POLR2C: variants seen among roughly 807,000 people sequenced by gnomAD.
POLR2C encodes RNA polymerase II subunit C, also known as DNA-directed RNA polymerase II subunit RPB3.
POLR2C carries 36 observed loss-of-function variants against 41.7 expected under a neutral mutation model. That is an observed-to-expected ratio of 0.86 (90% CI 0.66 to 1.14). The LOEUF is 1.14. Among genes scored for constraint, POLR2C ranks in the 50% most tolerant of loss-of-function variants. The probability of loss-of-function intolerance (pLI) is 0.00; values close to 1 mark genes in which losing one functional copy is unlikely to be tolerated. For missense variants in POLR2C, 260 were observed against 350.4 expected, an observed-to-expected ratio of 0.74 and a Z score of 2.06; for synonymous variants, 133 against 137.8, an observed-to-expected ratio of 0.96 and a Z score of 0.25.
chr16:57,465,659 A>G, intron 2 of POLR2C: 2 of 319,948 alleles, frequency 6.3e-6, no homozygotes, highest in Non-Finnish European at 1.1e-5. Flanking sequence ...AGTGCTTCTC[A>G]TGCAAATACT....
chr16:57,470,868 C>T (rs1420558535), intron 8 of POLR2C, 107 bp from the exon 9 acceptor site: 1 of 1,091,396 alleles, frequency 9.2e-7, no homozygotes, highest in South Asian at 1.4e-5. Context: ...GGTCAAGTTC[C>T]ATGTGGGAAC....
intron 4 of POLR2C, 95 bp downstream of exon 4, chr16:57,466,322 T>C: frequency 1.2e-6 from 1 of 817,300 alleles, no homozygotes; most frequent in East Asian, 2.4e-5. Flanking sequence ...GCTTGAATAC[T>C]GTTGTAGTTC....
At position 57,470,025 on chromosome 16, in the gene POLR2C, C is replaced by T. The variant is rs1040268636; in HGVS notation, c.504C>T (p.Gly168=). ...ELRLRAYAKK[G]FGKEHAKWNP... ...GACTTCGAGCCTATGCCAAAAAGGGCTTTGGCAAGGAGCATGCCAAGTGGA... is the reference window on the plus strand; with the variant it reads ...GACTTCGAGCCTATGCCAAAAAGGGTTTTGGCAAGGAGCATGCCAAGTGGA... The change falls in exon 7 of 9, where the codon GGC becomes GGT. Residue 168 remains glycine, a synonymous_variant. Transcript: ENST00000219252. 8.1e-6 allele frequency: 13 copies of T among 1,614,070 alleles called. No individual in the cohort carries two copies. Among genetic ancestry groups the T allele is most frequent in the Non-Finnish European group, 1.1e-5 (13 of 1,179,918 alleles).
At chr16:57,464,302 T>A (rs542316404) in intron 2 of POLR2C, among the ~76,000 whole-genome samples, 51 of 152,316 alleles carry the variant, frequency 3.3e-4, no homozygotes, top group Admixed American at 9.1e-4. Flanking sequence ...AACAGGGTTT[T>A]TGCCCTCATG....
chr16:57,466,235 G>T lies in POLR2C; in HGVS notation c.258+8G>T, dbSNP rs767245391. ...AAGCTGCAGTACTCTCGGGTATGTT[G>T]TGTGATTGGGTGGAATGTGAGGTTT... is the stretch of plus-strand genomic sequence containing the variant. On this transcript the variant is annotated splice_region_variant and intron_variant, in intron 4 of 8. Transcript: ENST00000219252. 23 of 1,558,684 alleles carry T rather than the reference G, an allele frequency of 1.5e-5. No individual in the cohort carries two copies. The highest frequency in any genetic ancestry group is 1.7e-5 in the Non-Finnish European group (20 of 1,149,392).
Position 57,465,945 on chromosome 16 carries a change from T to C in POLR2C, c.137-8T>C. On this transcript the variant is annotated splice_region_variant and splice_polypyrimidine_tract_variant and intron_variant, in intron 2 of 8. Coordinates refer to ENST00000219252, the MANE Select transcript of POLR2C (RefSeq NM_032940.3). Reference sequence around the variant, plus strand: ...CTAAACTCCATGTCTGCTTCTTTCATTTTTTAGCCATTGACTGGGTTCAGA... The same window carrying C: ...CTAAACTCCATGTCTGCTTCTTTCACTTTTTAGCCATTGACTGGGTTCAGA... 1.9e-6 allele frequency: 3 copies of C among 1,570,666 alleles called. No individual in the cohort carries two copies. Among genetic ancestry groups the C allele is most frequent in the Non-Finnish European group, 2.6e-6 (3 of 1,141,138 alleles).
At chr16:57,463,777 T>C (rs546705436) in intron 2 of POLR2C, 2 of 358,398 alleles carry the variant, frequency 5.6e-6, no homozygotes, top group Admixed American at 7.3e-5. Context: ...AGCCCGCCTC[T>C]ACTAAAAATG....
intron 4 of POLR2C, among the ~76,000 whole-genome samples, chr16:57,468,116 C>G (rs2030751378): frequency 6.6e-6 from 1 of 152,206 alleles, no homozygotes; most frequent in Non-Finnish European, 1.5e-5. Context: ...TCAAATGATT[C>G]TCCTGCTTCA....
intron 2 of POLR2C, chr16:57,463,452 A>G: frequency 2.6e-6 from 1 of 387,144 alleles, no homozygotes; most frequent in Admixed American, 3.8e-5. Context: ...ATAGTGCGTG[A>G]TGCTGAGATT....
intron 2 of POLR2C, among the ~76,000 whole-genome samples, chr16:57,465,361 G>A (rs945247159): frequency 2.0e-5 from 3 of 152,200 alleles, no homozygotes; most frequent in Non-Finnish European, 2.9e-5. Flanking sequence ...ATAAATGTGT[G>A]TTTAAGTCAA....
At chr16:57,463,743 G>A (rs1809905807) in intron 2 of POLR2C, 4 of 404,904 alleles carry the variant, frequency 9.9e-6, no homozygotes, top group Non-Finnish European at 2.0e-5. Flanking sequence ...AGGAGTTTGA[G>A]ACCAGCCTGG....
rs1165305330 is a variant in POLR2C, at chr16:57,469,092, A to G, written c.259-73A>G. The G allele has an allele frequency of 6.6e-7, 1 of 1,505,300 alleles. No homozygotes were observed. The highest frequency in any genetic ancestry group is 2.3e-5 in the East Asian group (1 of 43,930). 93.2% of individuals were successfully genotyped at this position (1,505,300 alleles called of 1,614,324 possible). On this transcript the variant is annotated intron_variant, in intron 4 of 8. Coordinates refer to ENST00000219252, the MANE Select transcript of POLR2C (RefSeq NM_032940.3). The surrounding 1 kb of genome is among the most constrained non-coding windows in gnomAD (Gnocchi z 5.8). ...TAAGGAACTGGGCATTAGATGCAGGAAGCCAAGACAAGGAGCCAAGGCAGG... is the reference window on the plus strand; with the variant it reads ...TAAGGAACTGGGCATTAGATGCAGGGAGCCAAGACAAGGAGCCAAGGCAGG...
intron 8 of POLR2C, 116 bp from the exon 9 acceptor site, chr16:57,470,859 G>T: frequency 2.0e-6 from 2 of 998,508 alleles, no homozygotes; most frequent in South Asian, 3.0e-5. Context: ...CTGGCCCAAG[G>T]TCAAGTTCCA....
rs2146603351 is a variant in POLR2C, at chr16:57,469,334, C to G, written c.387+41C>G. 1.2e-6 allele frequency: 2 copies of G among 1,610,522 alleles called. No homozygotes were observed. The highest frequency in any genetic ancestry group is 1.7e-6 in the Non-Finnish European group (2 of 1,177,940). On this transcript the variant is annotated intron_variant, in intron 5 of 8. Coordinates refer to ENST00000219252, the MANE Select transcript of POLR2C (RefSeq NM_032940.3). This position sits in a 1 kb window ranked among gnomAD's most constrained non-coding sequence, Gnocchi z 5.8. ...CATCCTCTTTTCCCTGGGATCTTTT[C>G]TCTTCTCTGGCTGGCTCCAAGTGGG...
Position 57,465,967 on chromosome 16 carries a change from C to T in POLR2C, c.151C>T (p.Gln51Ter). The stretch of plus-strand genomic sequence containing the variant: ...TCATTTTTTAGCCATTGACTGGGTT[C>T]AGATTGATGCCAATTCCTCAGTTCT... ...EVPIIAIDWV[Q>*]IDANSSVLHD... is the part of the protein sequence containing the mutation. The change falls in exon 3 of 9, where the codon CAG becomes TAG. Residue 51 changes from glutamine to a stop codon, truncating the protein, a stop_gained. Coordinates refer to ENST00000219252, the MANE Select transcript of POLR2C (RefSeq NM_032940.3). LOFTEE classifies it high-confidence loss of function. 1 of 1,602,872 alleles carries T rather than the reference C, an allele frequency of 6.2e-7. No individual in the cohort carries two copies.
rs760921713 is a variant in POLR2C at position 57,465,954 on chromosome 16, C to T, written c.138C>T (p.Ala46=). 7 of 1,590,358 alleles carry T rather than the reference C, an allele frequency of 4.4e-6. No homozygotes were observed. In the African/African-American group the frequency reaches 6.7e-5, roughly 15 times the overall value. The change falls in exon 3 of 9, where the codon GCC becomes GCT. Residue 46 remains alanine (A), a splice_region_variant and synonymous_variant. Transcript: ENST00000219252. The part of the protein sequence containing the change: ...RVFIAEVPII[A]IDWVQIDANS... ...ATGTCTGCTTCTTTCATTTTTTAGC[C>T]ATTGACTGGGTTCAGATTGATGCCA...
At chr16:57,465,683 C>A (rs977986548) in intron 2 of POLR2C, 1 of 392,082 alleles carries the variant, frequency 2.6e-6, no homozygotes. Context: ...CTCAAATAAA[C>A]ATGTTTCCAC....
chr16:57,470,392 AAGAAGGGATG>A, intron 8 of POLR2C, 38 bp downstream of exon 8: 1 of 1,493,598 alleles, frequency 6.7e-7, no homozygotes, highest in African/African-American at 1.4e-5. Context: ...TGAAGTGTGG[AAGAAGGGATG>A]GTTTTGGTTC....
At chr16:57,470,429 A>G (rs1220362798) in intron 8 of POLR2C, 75 bp downstream of exon 8, 4 of 1,070,342 alleles carry the variant, frequency 3.7e-6, no homozygotes, top group South Asian at 2.9e-5. Context: ...TGAGTTAGGC[A>G]TTCCCTCTCC....
Sources: allele counts gnomAD v4.1 joint callset (sites outside exome capture counted in the v4.1 genomes callset), GRCh38; gene constraint gnomAD v4.1.1; non-coding constraint Gnocchi (gnomAD v3.1); transcripts MANE v1.5; gene names NCBI Gene and HGNC (gene_info 2026-07-23, HGNC 2026-07-21).